SYNE1: variants seen among roughly 807,000 people sequenced by gnomAD.
SYNE1 encodes nesprin-1.
In SYNE1, 616 loss-of-function variants were observed where a neutral mutation model predicts 1,111.0. The ratio of observed to expected loss-of-function variants is 0.55; its 90% CI spans 0.52 to 0.59. The LOEUF (loss-of-function observed/expected upper bound fraction) is 0.59, where lower values mean the gene tolerates loss of function less well. Ranked by LOEUF, SYNE1 falls within the 20% of genes least tolerant of loss-of-function variation. The probability of loss-of-function intolerance (pLI) is 0.00; values close to 1 mark genes in which losing one functional copy is unlikely to be tolerated. For missense variants in SYNE1, 10,006 were observed against 10,417.0 expected (o/e 0.96, Z 1.72); for synonymous variants, 3,855 against 3,825.8 (o/e 1.01, Z -0.28).
At chr6:152,607,008 G>A (rs1459326799) in intron 3 of SYNE1, among the ~76,000 whole-genome samples, 2 of 119,326 alleles carry the variant, frequency 1.7e-5, no homozygotes, top group Admixed American at 9.3e-5. Flanking sequence ...TTTTTGAGAC[G>A]GCGTCTTGCT....
intron 78 of SYNE1, among the ~76,000 whole-genome samples, chr6:152,327,398 G>A (rs1458993328): frequency 6.6e-6 from 1 of 152,172 alleles, no homozygotes; most frequent in African/African-American, 2.4e-5. Flanking sequence ...TTCTGGAAGC[G>A]AAATAGTAAC....
At chr6:152,147,597 C>G (rs2059738414) in intron 137 of SYNE1, 1 of 159,964 alleles carries the variant, frequency 6.3e-6, no homozygotes, top group Admixed American at 6.4e-5. Flanking sequence ...CTAAGCACTT[C>G]CGAGCCCACC....
intron 3 of SYNE1, among the ~76,000 whole-genome samples, chr6:152,557,889 T>C (rs942040968): frequency 2.0e-5 from 2 of 100,084 alleles, no homozygotes; most frequent in East Asian, 6.9e-4. Flanking sequence ...AATCTCATTG[T>C]AAAGGTAACA....
chr6:152,632,204 G>A (rs1182979923), intron 2 of SYNE1, among the ~76,000 whole-genome samples: 1 of 152,066 alleles, frequency 6.6e-6, no homozygotes, highest in Non-Finnish European at 1.5e-5. Context: ...GTATATCCCT[G>A]ACCACATCCT....
chr6:152,309,871 C>T lies in SYNE1; in HGVS notation c.17166G>A (p.Leu5722=). ...TACACTGCTGGATGGCGGTGTGCTG[C>T]AGCCGGCTGGCCTCTTCCTGCAGCC... ...ALRLQEEASR[L]QHTAIQQCNI... Residue 5722 remains leucine, a synonymous_variant, in exon 90 of 146, where the codon CTG becomes CTA. Coordinates refer to ENST00000367255, the MANE Select transcript of SYNE1 (RefSeq NM_182961.4). 1 of 1,614,048 alleles carries T rather than the reference C, an allele frequency of 6.2e-7. No homozygotes were observed. The highest frequency in any genetic ancestry group is 8.5e-7 in the Non-Finnish European group (1 of 1,180,032).
intron 45 of SYNE1, 88 bp downstream of exon 45, chr6:152,406,926 A>AT (rs563466823): frequency 2.7e-4 from 279 of 1,017,382 alleles, no homozygotes; most frequent in Non-Finnish European, 2.9e-4. Flanking sequence ...TAAAAGAAGA[A>AT]TAAACTTTTA....
intron 100 of SYNE1, among the ~76,000 whole-genome samples, chr6:152,267,661 C>T (rs2092831881): frequency 6.6e-6 from 1 of 152,172 alleles, no homozygotes; most frequent in African/African-American, 2.4e-5. Context: ...ATTTAACGGG[C>T]CCCTGCATTT....
At position 152,436,065 on chromosome 6, in the gene SYNE1, C is replaced by A. The variant is rs1183983383; in HGVS notation, c.4186G>T (p.Ala1396Ser). 1 of 1,613,886 alleles carries A rather than the reference C, an allele frequency of 6.2e-7. No individual in the cohort carries two copies. Among genetic ancestry groups the A allele is most frequent in the African/African-American group, 1.3e-5 (1 of 74,882 alleles). The change falls in exon 33 of 146, where the codon GCT becomes TCT. Residue 1396 changes from alanine (A) to serine (S), a missense_variant. Transcript: ENST00000367255. ...GAAGCTTCCTTTACAAGGTTCTCAG[C>A]CTGGACTGCAATACTTTCTGTCCGT... The part of the protein sequence containing the change: ...SKRTESIAVQ[A>S]ENLVKEASEI...
rs570398364 is a variant in SYNE1 at position 152,467,570 on chromosome 6, G to C, written c.1633-1492C>G. On this transcript the variant is annotated intron_variant, in intron 16 of 145. Coordinates refer to ENST00000367255, the MANE Select transcript of SYNE1 (RefSeq NM_182961.4). ...AAAGAAATGGGAAATAGTGCATGTG[G>C]TTCATAGGAAGACTTAAATATGCTT... is the stretch of plus-strand genomic sequence containing the variant. 4.8e-4 allele frequency among the ~76,000 whole-genome samples: 73 copies of C among 152,212 alleles called. No homozygotes were observed. The South Asian group carries it at 0.015, about 31-fold the overall frequency.
At chr6:152,318,808 A>C in intron 85 of SYNE1, 55 bp downstream of exon 85, 1 of 1,604,324 alleles carries the variant, frequency 6.2e-7, no homozygotes. Context: ...AGTAAAACTG[A>C]CTCCAAAAAC....
chr6:152,613,146 A>G (rs891010921), intron 3 of SYNE1, among the ~76,000 whole-genome samples: 1 of 152,202 alleles, frequency 6.6e-6, no homozygotes, highest in Non-Finnish European at 1.5e-5. Flanking sequence ...AGTTCTGGCC[A>G]GGGCACTCAC....
rs200708827 is a variant in SYNE1 at position 152,410,393 on chromosome 6, C to CT, written c.6231-685dup. Reference sequence around the variant, plus strand: ...CTCTGGGAATATTGGAAGCTGTAGGCTTTTTTTTTTTTTTAAACAAACAAA... The same window carrying CT: ...CTCTGGGAATATTGGAAGCTGTAGGCTTTTTTTTTTTTTTTAAACAAACAAA... On this transcript the variant is annotated intron_variant, in intron 42 of 145. Transcript: ENST00000367255. The CT allele has an allele frequency of 5.4e-3, 756 of 140,986 alleles. 3 individuals are homozygous for CT. The highest frequency in any genetic ancestry group is 0.022 in the South Asian group (98 of 4,438). 8.7% of individuals were successfully genotyped at this position (140,986 alleles called of 1,614,324 possible).
In SYNE1 at chr6:152,300,813, A is replaced by G. The variant is rs1160766175; in HGVS notation, c.17542-32T>C. On this transcript the variant is annotated intron_variant, in intron 92 of 145. Coordinates refer to ENST00000367255, the MANE Select transcript of SYNE1 (RefSeq NM_182961.4). The stretch of plus-strand genomic sequence containing the variant: ...CGTAAAATGTAGCCCAAAGGACATG[A>G]AAATCAATTAGCTATGTTAACATAA... 3.1e-6 allele frequency: 5 copies of G among 1,614,106 alleles called. No individual in the cohort carries two copies. The African/African-American group carries it at 6.7e-5, about 22-fold the overall frequency.
intron 93 of SYNE1, among the ~76,000 whole-genome samples, chr6:152,297,527 T>A (rs940710382): frequency 2.0e-5 from 3 of 152,160 alleles, no homozygotes; most frequent in African/African-American, 7.2e-5. Context: ...CCTGAGCACA[T>A]TGTGGAGTGT....
chr6:152,326,158 G>A (rs1234784360), intron 79 of SYNE1, 56 bp from the exon 80 acceptor site: 21 of 1,613,380 alleles, frequency 1.3e-5, no homozygotes, highest in East Asian at 2.2e-5. Context: ...ATTTCTACAC[G>A]AAGCTCTGGT....
intron 24 of SYNE1, among the ~76,000 whole-genome samples, chr6:152,455,200 AC>A (rs1488318752): frequency 2.0e-5 from 3 of 152,190 alleles, no homozygotes; most frequent in African/African-American, 7.2e-5. Flanking sequence ...ATGACTGTCT[AC>A]TATTCTGGGG....
At chr6:152,368,247 G>A (rs1354258821) in intron 61 of SYNE1, 1 of 152,366 alleles carries the variant, frequency 6.6e-6, no homozygotes, top group Non-Finnish European at 1.5e-5. Context: ...AGGAAACAAA[G>A]GTTATAAGCC....
chr6:152,498,823 T>G, intron 10 of SYNE1, 31 bp from the exon 11 acceptor site: 35 of 1,225,120 alleles, frequency 2.9e-5, no homozygotes, highest in Non-Finnish European at 3.5e-5. Context: ...TATATAGAAA[T>G]ATAATATAAA....
intron 14 of SYNE1, among the ~76,000 whole-genome samples, chr6:152,477,537 A>C (rs1225717601): frequency 6.6e-6 from 1 of 152,194 alleles, no homozygotes; most frequent in Non-Finnish European, 1.5e-5. Flanking sequence ...CTTTTCAATG[A>C]GGCTTCACTG....
Sources: allele counts gnomAD v4.1 joint callset (sites outside exome capture counted in the v4.1 genomes callset), GRCh38; gene constraint gnomAD v4.1.1; transcripts MANE v1.5; gene names NCBI Gene and HGNC (gene_info 2026-07-23, HGNC 2026-07-21).